Variants in BNIP2 observed in about 807,000 individuals in gnomAD.
BNIP2 encodes BCL2/adenovirus E1B 19 kDa protein-interacting protein 2.
BNIP2 carries 36 observed loss-of-function variants against 43.4 expected under a neutral mutation model. The observed-to-expected ratio is 0.83, with a 90% confidence interval of 0.64 to 1.10. The LOEUF is 1.10. Ranked by LOEUF, BNIP2 falls within the 50% of genes least tolerant of loss-of-function variation. The probability of loss-of-function intolerance (pLI) is 0.00; values close to 1 mark genes in which losing one functional copy is unlikely to be tolerated. For synonymous variants in BNIP2, 146 were observed against 121.0 expected (o/e 1.21, Z -1.35); for missense variants, 417 against 374.1 (o/e 1.11, Z -0.95).
chr15:59,683,234 C>G (rs1390047126), intron 1 of BNIP2, among the ~76,000 whole-genome samples: 2 of 151,852 alleles, frequency 1.3e-5, no homozygotes, highest in African/African-American at 4.8e-5. Flanking sequence ...AGTCCAATAT[C>G]CTCATTTTAA....
In BNIP2 at chr15:59,659,826, TTTAC is replaced by T. The variant is rs1193382055; in HGVS notation, c.*4239_*4242del. 2 of 152,318 alleles carry T rather than the reference TTTAC, an allele frequency of 1.3e-5. No individual in the cohort carries two copies. The highest frequency in any genetic ancestry group is 3.4e-3 in the Middle Eastern group (1 of 294). The allele number at this position is 152,318 out of a possible 1,614,324, so 9.4% of individuals were successfully genotyped here. A position where few individuals can be genotyped will look rare whatever the true frequency, so the allele number is the denominator to read the frequency against. ...GCTTTATGTGAATTTTTCATAGCAT[TTTAC>T]TTAGTTCTCAAAACATAAATAGGTC... On this transcript the variant is annotated 3_prime_UTR_variant, in exon 10 of 10. Coordinates refer to ENST00000607373, the MANE Select transcript of BNIP2 (RefSeq NM_004330.4).
intron 5 of BNIP2, among the ~76,000 whole-genome samples, chr15:59,673,381 T>C (rs1006496781): frequency 1.3e-5 from 2 of 152,342 alleles, no homozygotes; most frequent in Admixed American, 1.3e-4. Context: ...CCCACAGTGC[T>C]GGGATTACAG....
intron 9 of BNIP2, 139 bp from the exon 10 acceptor site, chr15:59,664,259 A>T (rs893163940): frequency 2.0e-6 from 1 of 492,960 alleles, no homozygotes; most frequent in Admixed American, 4.2e-5. Context: ...AAAAACAGTT[A>T]CCAAACATCA....
chr15:59,685,192 T>C (rs1893932752), intron 1 of BNIP2, among the ~76,000 whole-genome samples: 1 of 152,192 alleles, frequency 6.6e-6, no homozygotes, highest in South Asian at 2.1e-4. Flanking sequence ...TGGAACAAGT[T>C]TGTCTCTGTG....
intron 5 of BNIP2, among the ~76,000 whole-genome samples, chr15:59,674,640 G>C (rs567473383): frequency 3.3e-4 from 51 of 152,258 alleles, no homozygotes; most frequent in African/African-American, 1.2e-3. Context: ...AGTAAATCAA[G>C]TGGAAATGAC....
At chr15:59,677,305 C>A (rs1360777396) in intron 5 of BNIP2, 1 of 1,577,188 alleles carries the variant, frequency 6.3e-7, no homozygotes. Flanking sequence ...CAGAAAGCCA[C>A]ATCAACAAGC....
chr15:59,688,866 G>C, intron 1 of BNIP2: 1 of 1,305,624 alleles, frequency 7.7e-7, no homozygotes, highest in Non-Finnish European at 1.0e-6. Flanking sequence ...TCCATCCCGA[G>C]CACAACTACC....
chr15:59,667,897 C>G (rs1386349108), intron 9 of BNIP2, among the ~76,000 whole-genome samples: 1 of 152,142 alleles, frequency 6.6e-6, no homozygotes, highest in African/African-American at 2.4e-5. Context: ...TGCTAATTGG[C>G]ATCATATATG....
At chr15:59,679,858 G>A in intron 3 of BNIP2, 90 bp from the exon 4 acceptor site, 2 of 1,122,674 alleles carry the variant, frequency 1.8e-6, no homozygotes, top group South Asian at 2.0e-5. Context: ...CCCCATTCTT[G>A]GGAAAAAATA....
rs1892378158 is a variant in BNIP2 at position 59,663,387 on chromosome 15, T to G, written c.*682A>C. 1 of 152,532 alleles carries G rather than the reference T, an allele frequency of 6.6e-6. No individual in the cohort carries two copies. Among genetic ancestry groups the G allele is most frequent in the South Asian group, 2.1e-4 (1 of 4,832 alleles). 9.4% of individuals were successfully genotyped at this position (152,532 alleles called of 1,614,324 possible). Reference sequence around the variant, plus strand: ...TAAGAATGGCTTTTTGACTTGTCTTTAAGTTTAGAAAGGAAAAAGTGTGCA... The same window carrying G: ...TAAGAATGGCTTTTTGACTTGTCTTGAAGTTTAGAAAGGAAAAAGTGTGCA... On this transcript the variant is annotated 3_prime_UTR_variant, in exon 10 of 10. Transcript: ENST00000607373.
At position 59,661,087 on chromosome 15, in the gene BNIP2, A is replaced by G. The variant is rs1206083036; in HGVS notation, c.*2982T>C. 6.6e-6 allele frequency: 1 copy of G among 152,218 alleles called. No homozygotes were observed. Among genetic ancestry groups the G allele is most frequent in the African/African-American group, 2.4e-5 (1 of 41,448 alleles). 9.4% of individuals were successfully genotyped at this position (152,218 alleles called of 1,614,324 possible). ...CGTGGTGGCTCAAGCCTGTAATCCAAGCATTTGGGAGGCTGAGACAGGCAG... is the reference window on the plus strand; with the variant it reads ...CGTGGTGGCTCAAGCCTGTAATCCAGGCATTTGGGAGGCTGAGACAGGCAG... On this transcript the variant is annotated 3_prime_UTR_variant, in exon 10 of 10. Transcript: ENST00000607373.
At chr15:59,665,997 C>CA (rs1311668302) in intron 9 of BNIP2, among the ~76,000 whole-genome samples, 3 of 152,046 alleles carry the variant, frequency 2.0e-5, no homozygotes, top group African/African-American at 4.8e-5. Context: ...ATAAGGCATG[C>CA]AAAATATATC....
At chr15:59,677,104 G>A (rs1302134807) in intron 5 of BNIP2, 1 of 1,607,762 alleles carries the variant, frequency 6.2e-7, no homozygotes, top group Non-Finnish European at 8.5e-7. Context: ...ATAGAAATGG[G>A]CAAGGTCAAG....
Position 59,663,206 on chromosome 15 carries a change from C to T in BNIP2, c.*863G>A, listed in dbSNP as rs1892368249. 6.6e-6 allele frequency: 1 copy of T among 152,596 alleles called. No homozygotes were observed. Among genetic ancestry groups the T allele is most frequent in the Non-Finnish European group, 1.5e-5 (1 of 68,036 alleles). The allele number at this position is 152,596 out of a possible 1,614,324, so 9.5% of individuals were successfully genotyped here. A position where few individuals can be genotyped will look rare whatever the true frequency, so the allele number is the denominator to read the frequency against. On this transcript the variant is annotated 3_prime_UTR_variant, in exon 10 of 10. Transcript: ENST00000607373. ...TGCAATACTACTCAGCACTCATATA[C>T]ACTCAGGGGAGCAATACCCTGGACA...
At position 59,679,685 on chromosome 15, in the gene BNIP2, A is replaced by G; in HGVS notation, c.202T>C (p.Ser68Pro). Residue 68 changes from serine (S) to proline (P), a missense_variant, in exon 4 of 10, where the codon TCT becomes CCT. Ser to Pro is a moderately conservative substitution (Grantham distance 74). Coordinates refer to ENST00000607373, the MANE Select transcript of BNIP2 (RefSeq NM_004330.4). ...ISLTLDPSDG[S>P]VLSDDLDESG... ...TCATCCAAATCATCTGACAATACAG[A>G]GCCATCACTAGGATCCAGTGTCAGG... is the stretch of plus-strand genomic sequence containing the variant. 6.2e-7 allele frequency: 1 copy of G among 1,610,456 alleles called. No individual in the cohort carries two copies. Among genetic ancestry groups the G allele is most frequent in the Middle Eastern group, 1.7e-4 (1 of 6,042 alleles).
In BNIP2 at chr15:59,659,774, G is replaced by T. The variant is rs1021349211; in HGVS notation, c.*4295C>A. 6.6e-6 allele frequency: 1 copy of T among 152,128 alleles called. No individual in the cohort carries two copies. Among genetic ancestry groups the T allele is most frequent in the Non-Finnish European group, 1.5e-5 (1 of 68,024 alleles). 9.4% of individuals were successfully genotyped at this position (152,128 alleles called of 1,614,324 possible). A position where few individuals can be genotyped will look rare whatever the true frequency, so the allele number is the denominator to read the frequency against. Reference sequence around the variant, plus strand: ...CCTAGTATCATTAATTTGAAAGCACGAAATGATTTTCATTTGGTGCTTACG... The same window carrying T: ...CCTAGTATCATTAATTTGAAAGCACTAAATGATTTTCATTTGGTGCTTACG... On this transcript the variant is annotated 3_prime_UTR_variant, in exon 10 of 10. Coordinates refer to ENST00000607373, the MANE Select transcript of BNIP2 (RefSeq NM_004330.4).
At chr15:59,669,229 A>G in intron 8 of BNIP2, 47 bp downstream of exon 8, 1 of 1,326,038 alleles carries the variant, frequency 7.5e-7, no homozygotes, top group East Asian at 2.6e-5. Context: ...ACTAAAAATA[A>G]ATAAATAAAA....
chr15:59,663,900 G>A lies in BNIP2; in HGVS notation c.*169C>T, dbSNP rs1892409531. On this transcript the variant is annotated 3_prime_UTR_variant, in exon 10 of 10. Transcript: ENST00000607373. ...CTAAATTCAAGAAATTTGCAAACCA[G>A]TACAGCAGTGAACAGTCCCTTGTAT... The A allele has an allele frequency of 2.2e-6, 1 of 463,538 alleles. No individual in the cohort carries two copies. The highest frequency in any genetic ancestry group is 3.7e-6 in the Non-Finnish European group (1 of 268,356). The allele number at this position is 463,538 out of a possible 1,614,324, so 28.7% of individuals were successfully genotyped here. A position where few individuals can be genotyped will look rare whatever the true frequency, so the allele number is the denominator to read the frequency against.
At chr15:59,687,166 A>G (rs1006505916) in intron 1 of BNIP2, among the ~76,000 whole-genome samples, 4 of 152,226 alleles carry the variant, frequency 2.6e-5, no homozygotes, top group African/African-American at 9.6e-5. Context: ...TGCGGAACAC[A>G]CTTGAAAATG....
Sources: gnomAD v4.1 joint callset for allele counts (sites outside exome capture counted in the v4.1 genomes callset) on GRCh38, gnomAD v4.1.1 for gene constraint, MANE v1.5 for transcripts, NCBI Gene and HGNC (gene_info 2026-07-23, HGNC 2026-07-21) for gene names.